PCDHGA5: variants seen among roughly 807,000 people sequenced by gnomAD.
PCDHGA5 encodes the protein protocadherin gamma-A5.
PCDHGA5 carries 36 observed loss-of-function variants against 56.7 expected under a neutral mutation model. The observed-to-expected ratio is 0.64, with a 90% CI of 0.49 to 0.84. The LOEUF (loss-of-function observed/expected upper bound fraction) is 0.84. Among genes scored for constraint, PCDHGA5 ranks in the 40% least tolerant of loss-of-function variants. The pLI is 0.00. For synonymous variants in PCDHGA5, 563 were observed against 520.2 expected, an observed-to-expected ratio of 1.08 and a Z score of -1.12; for missense variants, 1,305 against 1,201.5, an observed-to-expected ratio of 1.09 and a Z score of -1.27.
intron 1 of PCDHGA5, chr5:141,441,088 G>A (rs1050261040): frequency 3.9e-5 from 6 of 152,162 alleles, no homozygotes; most frequent in African/African-American, 1.4e-4. Context: ...GGTAGCAAGT[G>A]ACAGAGAGGG....
intron 1 of PCDHGA5, among the ~76,000 whole-genome samples, chr5:141,456,179 A>G (rs1161415053): frequency 6.6e-6 from 1 of 151,860 alleles, no homozygotes; most frequent in Non-Finnish European, 1.5e-5. Context: ...TTACAGAATA[A>G]TTTCTTAATA....
At chr5:141,421,849 G>C in intron 1 of PCDHGA5, 4 of 1,613,766 alleles carry the variant, frequency 2.5e-6, no homozygotes, top group Non-Finnish European at 3.4e-6. Flanking sequence ...GAAAGAGGCT[G>C]CTCACCTGCT....
chr5:141,500,005 G>A (rs994274763), intron 2 of PCDHGA5, among the ~76,000 whole-genome samples: 30 of 151,476 alleles, frequency 2.0e-4, no homozygotes, highest in Non-Finnish European at 3.8e-4. Context: ...TCTTTCATAA[G>A]GTCCACATTT....
chr5:141,407,123 C>T (rs1271155338), intron 1 of PCDHGA5, among the ~76,000 whole-genome samples: 2 of 152,078 alleles, frequency 1.3e-5, no homozygotes, highest in East Asian at 3.8e-4. Context: ...GTTTCAGTTG[C>T]TTTATTTTTA....
chr5:141,374,902 C>A, intron 1 of PCDHGA5: 1 of 1,613,754 alleles, frequency 6.2e-7, no homozygotes, highest in South Asian at 1.1e-5. Context: ...ATGAAGGAGT[C>A]CACGGGGAAG....
Position 141,511,345 on chromosome 5 carries a change from TC to T in PCDHGA5, c.*179del, listed in dbSNP as rs535135679. On this transcript the variant is annotated 3_prime_UTR_variant, in exon 4 of 4. Coordinates refer to ENST00000518069, the MANE Select transcript of PCDHGA5 (RefSeq NM_018918.3). ...AAGTGCCCAGTCAGCACCTACCCCTTCCCCCCCAGGGGGTTGAATATGCAAA... is the reference window on the plus strand; with the variant it reads ...AAGTGCCCAGTCAGCACCTACCCCTTCCCCCCAGGGGGTTGAATATGCAAA... The T allele has an allele frequency of 2.2e-5, 31 of 1,410,342 alleles. No individual in the cohort carries two copies. Among genetic ancestry groups the T allele is most frequent in the South Asian group, 2.9e-5 (2 of 68,200 alleles). 87.4% of individuals were successfully genotyped at this position (1,410,342 alleles called of 1,614,324 possible). A position where few individuals can be genotyped will look rare whatever the true frequency, so the allele number is the denominator to read the frequency against.
Position 141,477,902 on chromosome 5 carries a change from T to A in PCDHGA5, c.2422-16905T>A. ...CCACCTAGTGTCACGGGTGGTAGGC[T>A]GGGACGCGGATGCAGGGCACAATGC... On this transcript the variant is annotated intron_variant, in intron 1 of 3. Transcript: ENST00000518069. The surrounding 1 kb of genome is among the most constrained non-coding windows in gnomAD (Gnocchi z 4.9). The A allele has an allele frequency of 6.2e-7, 1 of 1,614,176 alleles. No homozygotes were observed. Among genetic ancestry groups the A allele is most frequent in the Non-Finnish European group, 8.5e-7 (1 of 1,180,028 alleles).
At chr5:141,501,308 C>T (rs1220463692) in intron 2 of PCDHGA5, among the ~76,000 whole-genome samples, 2 of 151,492 alleles carry the variant, frequency 1.3e-5, no homozygotes, top group African/African-American at 2.4e-5. Context: ...CACACACACA[C>T]ACACACACAC....
intron 1 of PCDHGA5, chr5:141,422,542 G>T (rs368252552): frequency 1.2e-5 from 19 of 1,613,878 alleles, no homozygotes; most frequent in Admixed American, 1.7e-5. Context: ...AGAAACTCAT[G>T]TCTGGCTGAA....
chr5:141,376,452 C>T (rs1186920662), intron 1 of PCDHGA5: 2 of 1,614,094 alleles, frequency 1.2e-6, no homozygotes, highest in Non-Finnish European at 1.7e-6. Flanking sequence ...AAAAGCGAGC[C>T]TCTTCTGATA....
intron 1 of PCDHGA5, chr5:141,409,139 GA>G: frequency 1.9e-6 from 3 of 1,614,012 alleles, no homozygotes; most frequent in Non-Finnish European, 2.5e-6. Context: ...TGAAGATGTA[GA>G]AAGGTACACC....
At position 141,375,614 on chromosome 5, in the gene PCDHGA5, A is replaced by C. The variant is rs904386299; in HGVS notation, c.2421+8863A>C. The C allele has an allele frequency of 1.9e-6, 3 of 1,614,060 alleles. No individual in the cohort carries two copies. The highest frequency in any genetic ancestry group is 1.7e-5 in the Admixed American group (1 of 60,008). Reference sequence around the variant, plus strand: ...CTCCTACGTGTCCATCAACTCCGACACTGGGATTCTGTACGCCCTGCGCTC... The same window carrying C: ...CTCCTACGTGTCCATCAACTCCGACCCTGGGATTCTGTACGCCCTGCGCTC... On this transcript the variant is annotated intron_variant, in intron 1 of 3. Transcript: ENST00000518069.
At chr5:141,404,248 G>C (rs1404333144) in intron 1 of PCDHGA5, 10 of 1,613,694 alleles carry the variant, frequency 6.2e-6, no homozygotes, top group South Asian at 1.1e-5. Context: ...CTCCGCCCCT[G>C]TCCACAGAAA....
intron 1 of PCDHGA5, chr5:141,428,221 G>A (rs1314522513): frequency 5.9e-6 from 7 of 1,177,278 alleles, no homozygotes; most frequent in Non-Finnish European, 8.6e-6. Context: ...CCTAGTCTTC[G>A]CAGACAGCCT....
intron 1 of PCDHGA5, chr5:141,375,003 TA>T: frequency 6.2e-7 from 1 of 1,614,054 alleles, no homozygotes; most frequent in Non-Finnish European, 8.5e-7. Flanking sequence ...TCTGCAAATC[TA>T]GACTATGAGG....
rs765534200 is a variant in PCDHGA5 at position 141,410,067 on chromosome 5, G to A, written c.2421+43316G>A. 8.1e-6 allele frequency: 13 copies of A among 1,612,846 alleles called. No individual in the cohort carries two copies. In the South Asian group the frequency reaches 1.3e-4, roughly 16 times the overall value. ...CCCGGACTCTTCAGCCTGGGGCTGC[G>A]CACTGGGGAGGTGCGCACGGCTCGA... is the stretch of plus-strand genomic sequence containing the variant. On this transcript the variant is annotated intron_variant, in intron 1 of 3. Transcript: ENST00000518069.
chr5:141,393,473 G>A (rs1190605709), intron 1 of PCDHGA5: 1 of 1,614,044 alleles, frequency 6.2e-7, no homozygotes, highest in East Asian at 2.2e-5. Flanking sequence ...GCGGCAAGCC[G>A]CCTCGCTCTA....
chr5:141,438,621 TATATATATATATATACACACAC>T (rs2098027070), intron 1 of PCDHGA5, among the ~76,000 whole-genome samples: 1 of 41,368 alleles, frequency 2.4e-5, no homozygotes, highest in Non-Finnish European at 4.0e-5. Flanking sequence ...TATATATATA[TATATATATATATATACACACAC>T]ACACACACAT....
chr5:141,419,420 G>C (rs774685112), intron 1 of PCDHGA5: 10 of 1,613,372 alleles, frequency 6.2e-6, no homozygotes, highest in Non-Finnish European at 7.6e-6. Flanking sequence ...GCGCGCCTTC[G>C]ACCACGAGCA....
Sources: allele counts gnomAD v4.1 joint callset (sites outside exome capture counted in the v4.1 genomes callset), GRCh38; gene constraint gnomAD v4.1.1; non-coding constraint Gnocchi (gnomAD v3.1); transcripts MANE v1.5; gene names NCBI Gene and HGNC (gene_info 2026-07-23, HGNC 2026-07-21).